Variants in FAM169A observed in about 807,000 individuals in gnomAD.
FAM169A encodes the protein soluble lamin-associated protein of 75 kDa.
Under a neutral mutation model 75.7 loss-of-function variants are expected in FAM169A, and 24 were observed. That is an observed-to-expected ratio of 0.32 (90% confidence interval 0.23 to 0.45). The LOEUF is 0.45. Ranked by LOEUF, FAM169A falls within the 20% of genes least tolerant of loss-of-function variation. The pLI is 1.00. For missense variants in FAM169A, 673 were observed against 784.0 expected (o/e 0.86, Z 1.69); for synonymous variants, 271 against 271.0 (o/e 1.00, Z 0.00).
At chr5:74,808,116 T>C (rs1746981723) in intron 6 of FAM169A, among the ~76,000 whole-genome samples, 1 of 152,188 alleles carries the variant, frequency 6.6e-6, no homozygotes, top group South Asian at 2.1e-4. Context: ...AATTTCATCC[T>C]CAGGTATACA....
intron 4 of FAM169A, among the ~76,000 whole-genome samples, chr5:74,837,034 T>G (rs1224533248): frequency 6.6e-6 from 1 of 152,050 alleles, no homozygotes; most frequent in Non-Finnish European, 1.5e-5. Flanking sequence ...TGGTTTTGAC[T>G]CCTCCTCTTT....
chr5:74,862,147 G>A (rs989801098), intron 1 of FAM169A, among the ~76,000 whole-genome samples: 8 of 152,170 alleles, frequency 5.3e-5, no homozygotes, highest in African/African-American at 1.4e-4. Flanking sequence ...ATAAAAGCTC[G>A]TATCTTTTCT....
intron 4 of FAM169A, among the ~76,000 whole-genome samples, chr5:74,835,262 G>A (rs1004843713): frequency 6.6e-6 from 1 of 151,988 alleles, no homozygotes; most frequent in Non-Finnish European, 1.5e-5. Flanking sequence ...ATGGTCACAG[G>A]GACCGCACCA....
intron 5 of FAM169A, among the ~76,000 whole-genome samples, chr5:74,821,121 A>G (rs747199674): frequency 2.0e-5 from 3 of 152,212 alleles, no homozygotes; most frequent in Admixed American, 6.5e-5. Flanking sequence ...ATCTGACAGC[A>G]TATCATCTAC....
chr5:74,820,128 G>C (rs1199589797), intron 5 of FAM169A, among the ~76,000 whole-genome samples: 2 of 151,358 alleles, frequency 1.3e-5, no homozygotes, highest in Non-Finnish European at 2.9e-5. Flanking sequence ...CCTAGTAGCT[G>C]GGATTACAGG....
Position 74,787,851 on chromosome 5 carries a change from G to C in FAM169A, c.1261-4717C>G, listed in dbSNP as rs141012284. On this transcript the variant is annotated intron_variant, in intron 11 of 12. Coordinates refer to ENST00000687041, the MANE Select transcript of FAM169A (RefSeq NM_001376049.1). ...AATTCATATAAGTGGAAAACTTCCAGGTCGAGTGGACAAAAGACTAATCTG... is the reference window on the plus strand; with the variant it reads ...AATTCATATAAGTGGAAAACTTCCACGTCGAGTGGACAAAAGACTAATCTG... Among the ~76,000 whole-genome samples, 3 of 151,992 alleles carry C rather than the reference G, an allele frequency of 2.0e-5. No homozygotes were observed. In the East Asian group the frequency reaches 5.8e-4, roughly 29 times the overall value.
chr5:74,846,362 A>C (rs2112694199), intron 1 of FAM169A, among the ~76,000 whole-genome samples: 1 of 152,330 alleles, frequency 6.6e-6, no homozygotes, highest in South Asian at 2.1e-4. Flanking sequence ...CTGTCTATAA[A>C]AGCATAATCA....
intron 10 of FAM169A, chr5:74,799,063 G>T: frequency 9.9e-7 from 1 of 1,011,980 alleles, no homozygotes; most frequent in Non-Finnish European, 1.6e-6. Context: ...TACCCAGATT[G>T]CCCTCAGTGT....
chr5:74,797,456 C>A (rs1746338037), intron 10 of FAM169A, among the ~76,000 whole-genome samples: 1 of 152,156 alleles, frequency 6.6e-6, no homozygotes, highest in Non-Finnish European at 1.5e-5. Flanking sequence ...GGATTACAGG[C>A]ATGAGCCACC....
chr5:74,795,418 AAAATGG>A (rs1199363762), intron 11 of FAM169A, among the ~76,000 whole-genome samples: 9 of 152,250 alleles, frequency 5.9e-5, no homozygotes, highest in African/African-American at 1.9e-4. Context: ...ACTAAAGAGA[AAAATGG>A]AAATGGATAG....
intron 1 of FAM169A, among the ~76,000 whole-genome samples, chr5:74,862,415 T>C (rs114251016): frequency 6.6e-6 from 1 of 152,190 alleles, no homozygotes; most frequent in Non-Finnish European, 1.5e-5. Flanking sequence ...TCTCTCGTCA[T>C]ATCCCACATC....
chr5:74,866,860 C>CA (rs1462469904), upstream of FAM169A: 3 of 985,474 alleles, frequency 3.0e-6, no homozygotes, highest in Non-Finnish European at 3.6e-6. Flanking sequence ...GACAGGGGTG[C>CA]AGAGGGCACG....
rs893274082 is a variant in FAM169A at position 74,778,670 on chromosome 5, A to G, written c.*2790T>C. 1 of 152,072 alleles carries G rather than the reference A, an allele frequency of 6.6e-6. No homozygotes were observed. Among genetic ancestry groups the G allele is most frequent in the East Asian group, 1.9e-4 (1 of 5,202 alleles). The allele number at this position is 152,072 out of a possible 1,614,324, so 9.4% of individuals were successfully genotyped here. On this transcript the variant is annotated 3_prime_UTR_variant, in exon 13 of 13. Coordinates refer to ENST00000687041, the MANE Select transcript of FAM169A (RefSeq NM_001376049.1). ...TTTATAATAAATTCTTAAATATACTAATTTCTGTGATGTCTAGCAATTGAA... is the reference window on the plus strand; with the variant it reads ...TTTATAATAAATTCTTAAATATACTGATTTCTGTGATGTCTAGCAATTGAA...
chr5:74,800,970 A>T lies in FAM169A; in HGVS notation c.1013T>A (p.Ile338Asn). ...TTCAGAATCCTGAAACCGCTTTCCAATCTTTGGCCGCTTTAGATTACCACT... is the reference window on the plus strand; with the variant it reads ...TTCAGAATCCTGAAACCGCTTTCCATTCTTTGGCCGCTTTAGATTACCACT... ...TRSGNLKRPK[I>N]GKRFQDSEFS... The change falls in exon 10 of 13, where the codon ATT (isoleucine) becomes AAT (asparagine). Residue 338 changes from isoleucine (I) to asparagine (N), a missense_variant. Physicochemically the swap from Ile to Asn is moderately radical, Grantham distance 149 (BLOSUM62 -3). Around this residue, in one of 3 missense-constraint regions of FAM169A, gnomAD observed 510 missense variants for 550.9 expected, o/e 0.93. Transcript: ENST00000687041. The T allele has an allele frequency of 6.4e-7, 1 of 1,562,344 alleles. No homozygotes were observed. Among genetic ancestry groups the T allele is most frequent in the Non-Finnish European group, 8.7e-7 (1 of 1,153,722 alleles).
chr5:74,847,278 CA>C (rs1300752789), intron 1 of FAM169A, among the ~76,000 whole-genome samples: 1 of 152,082 alleles, frequency 6.6e-6, no homozygotes, highest in East Asian at 1.9e-4. Flanking sequence ...ACCCATTAAA[CA>C]TTAACTGTCC....
intron 11 of FAM169A, among the ~76,000 whole-genome samples, chr5:74,792,040 TTAAG>T (rs765494358): frequency 2.8e-4 from 42 of 152,246 alleles, no homozygotes; most frequent in Non-Finnish European, 5.7e-4. Context: ...CATATCAGCA[TTAAG>T]TGTTTATGTA....
At chr5:74,836,432 A>G (rs1208510400) in intron 4 of FAM169A, among the ~76,000 whole-genome samples, 2 of 152,324 alleles carry the variant, frequency 1.3e-5, no homozygotes, top group South Asian at 4.1e-4. Context: ...GACACAATGG[A>G]CAAAGTCTTG....
intron 5 of FAM169A, among the ~76,000 whole-genome samples, chr5:74,817,684 T>C (rs1207813030): frequency 1.3e-5 from 2 of 151,896 alleles, no homozygotes; most frequent in African/African-American, 4.8e-5. Context: ...CACAGGAAAA[T>C]AAGGAGCCCA....
intron 1 of FAM169A, among the ~76,000 whole-genome samples, chr5:74,864,398 T>C (rs1750200605): frequency 6.6e-6 from 1 of 152,140 alleles, no homozygotes; most frequent in South Asian, 2.1e-4. Context: ...ACCCGGCTAA[T>C]TTTGTATTTT....
Sources: allele counts gnomAD v4.1 joint callset (sites outside exome capture counted in the v4.1 genomes callset), GRCh38; gene constraint gnomAD v4.1.1; regional missense constraint gnomAD v4.1.1; transcripts MANE v1.5; gene names NCBI Gene and HGNC (gene_info 2026-07-23, HGNC 2026-07-21).